LARS2: variants seen among roughly 807,000 people sequenced by gnomAD.
LARS2 encodes the protein leucyl-tRNA synthetase 2, mitochondrial.
LARS2 carries 81 observed loss-of-function variants against 116.6 expected under a neutral mutation model. The observed-to-expected ratio is 0.69, with a 90% confidence interval of 0.58 to 0.84. The LOEUF (loss-of-function observed/expected upper bound fraction) is 0.84. Among genes scored for constraint, LARS2 ranks in the 40% least tolerant of loss-of-function variants. LARS2 has a pLI of 0.00. For synonymous variants in LARS2, 396 were observed against 407.2 expected (o/e 0.97, Z 0.33); for missense variants, 968 against 1,114.5 (o/e 0.87, Z 1.87).
At chr3:45,490,874 G>A (rs1335215738) in intron 12 of LARS2, among the ~76,000 whole-genome samples, 2 of 152,210 alleles carry the variant, frequency 1.3e-5, no homozygotes, top group African/African-American at 4.8e-5. Context: ...CTTTTGTACT[G>A]TTAGTGGTCT....
At chr3:45,420,646 A>G (rs980548196) in intron 6 of LARS2, among the ~76,000 whole-genome samples, 1 of 152,198 alleles carries the variant, frequency 6.6e-6, no homozygotes, top group Non-Finnish European at 1.5e-5. Flanking sequence ...TCCTCACACC[A>G]GAGTCAAGTT....
rs926139959 is a variant in LARS2 at position 45,417,588 on chromosome 3, G to C, written c.455+15G>C. On this transcript the variant is annotated intron_variant, in intron 5 of 21. Coordinates refer to ENST00000645846, the MANE Select transcript of LARS2 (RefSeq NM_015340.4). ...TGGACACAAAGGTAAGTGTTTACAGGCATATTCAAATACTTGCATACAAAA... is the reference window on the plus strand; with the variant it reads ...TGGACACAAAGGTAAGTGTTTACAGCCATATTCAAATACTTGCATACAAAA... The C allele has an allele frequency of 1.9e-6, 3 of 1,592,564 alleles. No individual in the cohort carries two copies. The highest frequency in any genetic ancestry group is 1.7e-5 in the Admixed American group (1 of 59,294).
Position 45,548,406 on chromosome 3 carries a change from C to G in LARS2, c.*876C>G, listed in dbSNP as rs1357655647. The G allele has an allele frequency of 6.6e-6, 1 of 152,308 alleles. No individual in the cohort carries two copies. Among genetic ancestry groups the G allele is most frequent in the Non-Finnish European group, 1.5e-5 (1 of 68,092 alleles). The allele number at this position is 152,308 out of a possible 1,614,324, so 9.4% of individuals were successfully genotyped here. A position where few individuals can be genotyped will look rare whatever the true frequency, so the allele number is the denominator to read the frequency against. ...CAGCCCAGTAGGGATGCAGCACGCC[C>G]CAGAGGGCTCATGTGGGCCCCAGAT... On this transcript the variant is annotated 3_prime_UTR_variant, in exon 22 of 22. Transcript: ENST00000645846.
intron 4 of LARS2, among the ~76,000 whole-genome samples, chr3:45,411,081 C>T (rs187329250): frequency 8.3e-4 from 126 of 152,290 alleles, no homozygotes; most frequent in African/African-American, 2.7e-3. Context: ...GTATGCACTG[C>T]GGGGATCTAA....
Position 45,400,882 on chromosome 3 carries a change from C to G in LARS2, c.363+509C>G, listed in dbSNP as rs184746271. On this transcript the variant is annotated intron_variant, in intron 4 of 21. Coordinates refer to ENST00000645846, the MANE Select transcript of LARS2 (RefSeq NM_015340.4). The stretch of plus-strand genomic sequence containing the variant: ...AGGCTGGAGTGCAGTGACGCAGTCT[C>G]GGCTCACTGCAACCTCCCCCTCCCG... Among the ~76,000 whole-genome samples, 87 of 152,004 alleles carry G rather than the reference C, an allele frequency of 5.7e-4. 1 individual carries two copies. Among genetic ancestry groups the G allele is most frequent in the African/African-American group, 2.0e-3 (83 of 41,442 alleles).
At chr3:45,443,647 G>C (rs1462169308) in intron 6 of LARS2, among the ~76,000 whole-genome samples, 1 of 152,158 alleles carries the variant, frequency 6.6e-6, no homozygotes, top group Admixed American at 6.5e-5. Context: ...CCTCCTCTGG[G>C]CAGGTGAGTC....
intron 21 of LARS2, 79 bp downstream of exon 21, chr3:45,542,035 A>C: frequency 6.4e-7 from 1 of 1,561,382 alleles, no homozygotes. Context: ...TGGTTTTGAG[A>C]GGTCTATTAG....
chr3:45,430,003 CTTTTTT>C (rs66989698), intron 6 of LARS2, among the ~76,000 whole-genome samples: 9 of 56,952 alleles, frequency 1.6e-4, no homozygotes, highest in African/African-American at 4.6e-4. Flanking sequence ...TGCCCAGCCT[CTTTTTT>C]TTTTTTTTTT....
At chr3:45,450,332 C>T (rs568559038) in intron 7 of LARS2, among the ~76,000 whole-genome samples, 10 of 152,212 alleles carry the variant, frequency 6.6e-5, no homozygotes, top group Admixed American at 5.2e-4. Context: ...AATGCTAGAA[C>T]GTATTCCTTT....
chr3:45,423,208 G>A (rs375008612), intron 6 of LARS2, among the ~76,000 whole-genome samples: 15 of 152,258 alleles, frequency 9.9e-5, no homozygotes, highest in African/African-American at 3.6e-4. Flanking sequence ...AAAGTAGCAG[G>A]TAATTAACAT....
rs762582309 is a variant in LARS2 at position 45,518,071 on chromosome 3, A to G, written c.2213A>G (p.Gln738Arg). The G allele has an allele frequency of 1.2e-6, 2 of 1,610,996 alleles. No individual in the cohort carries two copies. The highest frequency in any genetic ancestry group is 3.3e-5 in the Admixed American group (2 of 59,764). ...LWEYKNSVISQVTTHFTEDFS... is the reference protein window; with the variant it reads ...LWEYKNSVISRVTTHFTEDFS... ...GAGTACAAGAACTCCGTCATCTCTC[A>G]GGTCAGAAACTCTCCAATTCCAGGG... The change falls in exon 18 of 22, where the codon CAG becomes CGG. Residue 738 changes from glutamine (Q) to arginine (R), a missense_variant and splice_region_variant. Transcript: ENST00000645846.
At chr3:45,424,810 G>A (rs1698568871) in intron 6 of LARS2, among the ~76,000 whole-genome samples, 1 of 152,128 alleles carries the variant, frequency 6.6e-6, no homozygotes. Context: ...CATTGTGACA[G>A]TTTCATAGGA....
intron 20 of LARS2, among the ~76,000 whole-genome samples, chr3:45,535,211 C>T (rs1463562341): frequency 4.6e-5 from 7 of 152,000 alleles, no homozygotes; most frequent in African/African-American, 1.2e-4. Context: ...CTTAGCCAGG[C>T]GTGGTGGCAC....
At chr3:45,517,769 C>A (rs1007726348) in intron 17 of LARS2, 134 bp from the exon 18 acceptor site, 24 of 635,612 alleles carry the variant, frequency 3.8e-5, no homozygotes, top group Non-Finnish European at 5.8e-5. Context: ...CTTCAGCCTG[C>A]CCTCAGAGGA....
intron 20 of LARS2, among the ~76,000 whole-genome samples, chr3:45,528,695 T>G (rs147788176): frequency 1.3e-5 from 2 of 152,372 alleles, no homozygotes; most frequent in African/African-American, 4.8e-5. Flanking sequence ...CATTTCTGTT[T>G]TATTTCATTT....
At chr3:45,476,691 C>G in intron 10 of LARS2, 64 bp downstream of exon 10, 1 of 1,563,896 alleles carries the variant, frequency 6.4e-7, no homozygotes, top group Non-Finnish European at 8.8e-7. Flanking sequence ...TGGCGCCTCC[C>G]AGAGTTCAAG....
At chr3:45,540,552 T>C (rs918271135) in intron 20 of LARS2, among the ~76,000 whole-genome samples, 14 of 152,132 alleles carry the variant, frequency 9.2e-5, no homozygotes, top group Non-Finnish European at 1.9e-4. Flanking sequence ...CAGTTCCACC[T>C]CCACCACCAG....
At chr3:45,499,722 T>C (rs1700087753) in intron 14 of LARS2, among the ~76,000 whole-genome samples, 1 of 152,212 alleles carries the variant, frequency 6.6e-6, no homozygotes, top group Non-Finnish European at 1.5e-5. Flanking sequence ...CATTGCCCTC[T>C]ATTGGTAGGA....
rs150510168 is a variant in LARS2, at chr3:45,394,943, T to G, written c.234+256T>G. 1.6e-3 allele frequency among the ~76,000 whole-genome samples: 244 copies of G among 152,286 alleles called. 1 individual carries two copies. The highest frequency in any genetic ancestry group is 5.4e-3 in the African/African-American group (226 of 41,560). On this transcript the variant is annotated intron_variant, in intron 3 of 21. Transcript: ENST00000645846. Reference sequence around the variant, plus strand: ...AGGTAGTGTTTACAAGAGTTTCCAATGTGGTGGATGCACACATAGTAATAT... The same window carrying G: ...AGGTAGTGTTTACAAGAGTTTCCAAGGTGGTGGATGCACACATAGTAATAT...
Sources: gnomAD v4.1 joint callset for allele counts (sites outside exome capture counted in the v4.1 genomes callset) on GRCh38, gnomAD v4.1.1 for gene constraint, MANE v1.5 for transcripts, NCBI Gene and HGNC (gene_info 2026-07-23, HGNC 2026-07-21) for gene names.